Variants in SCN8A observed in about 807,000 individuals in gnomAD.
SCN8A encodes the protein sodium voltage-gated channel alpha subunit 8, also known as sodium channel protein type 8 subunit alpha.
In SCN8A, 30 loss-of-function variants were observed where a neutral mutation model predicts 184.1. The observed-to-expected ratio is 0.16, with a 90% CI of 0.12 to 0.22. The LOEUF is 0.22. Ranked by LOEUF, SCN8A falls within the 10% of genes least tolerant of loss-of-function variation. The pLI, the probability that SCN8A is intolerant of heterozygous loss-of-function variation, is 1.00. For synonymous variants in SCN8A, 852 were observed against 907.0 expected (o/e 0.94, Z 1.09); for missense variants, 1,057 against 2,498.9 (o/e 0.42, Z 12.30).
intron 10 of SCN8A, among the ~76,000 whole-genome samples, chr12:51,706,136 AT>A (rs1300622498): frequency 6.6e-6 from 1 of 152,178 alleles, no homozygotes; most frequent in Non-Finnish European, 1.5e-5. Flanking sequence ...CTTAGCATTC[AT>A]TTCCAGACTT....
rs144787177 is a variant in SCN8A at position 51,796,067 on chromosome 12, T to C, written c.4795+1426T>C. ...TCAAAAATAAAGAATTCTGTTTAAA[T>C]GTAACATAGCATCCCACCTTTATTA... On this transcript the variant is annotated intron_variant, in intron 26 of 26. Transcript: ENST00000627620. 4.5e-5 allele frequency among the ~76,000 whole-genome samples: 6 copies of C among 133,242 alleles called. No individual in the cohort carries two copies. The East Asian group carries it at 1.4e-3, about 31-fold the overall frequency. 87.4% of individuals were successfully genotyped at this position (133,242 alleles called of 152,430 possible).
intron 1 of SCN8A, among the ~76,000 whole-genome samples, chr12:51,622,743 T>C (rs570762189): frequency 1.1e-4 from 16 of 152,304 alleles, no homozygotes; most frequent in South Asian, 1.0e-3. Flanking sequence ...CTGCATTCTT[T>C]GGCAATGGGT....
At chr12:51,718,119 G>A (rs1344131361) in intron 11 of SCN8A, among the ~76,000 whole-genome samples, 1 of 152,140 alleles carries the variant, frequency 6.6e-6, no homozygotes, top group Non-Finnish European at 1.5e-5. Flanking sequence ...AAACGGAATT[G>A]TAGCCAACAA....
chr12:51,624,973 A>G (rs1471125579), intron 1 of SCN8A, among the ~76,000 whole-genome samples: 1 of 151,964 alleles, frequency 6.6e-6, no homozygotes, highest in African/African-American at 2.4e-5. Context: ...ATACATTTAT[A>G]ATATGTTAGG....
chr12:51,726,513 C>T (rs1038414875), intron 12 of SCN8A, among the ~76,000 whole-genome samples: 1 of 152,124 alleles, frequency 6.6e-6, no homozygotes, highest in African/African-American at 2.4e-5. Flanking sequence ...AAGCTTTTAC[C>T]ATTAACCATT....
At chr12:51,727,432 A>T (rs1392095675) in intron 12 of SCN8A, among the ~76,000 whole-genome samples, 8 of 152,180 alleles carry the variant, frequency 5.3e-5, no homozygotes, top group African/African-American at 1.4e-4. Flanking sequence ...AAAACACTGA[A>T]AAGATAGAGA....
chr12:51,705,832 T>C (rs1021285061), intron 10 of SCN8A, among the ~76,000 whole-genome samples: 4 of 152,214 alleles, frequency 2.6e-5, no homozygotes, highest in Non-Finnish European at 5.9e-5. Flanking sequence ...TATCATCTTT[T>C]GTTGAATTGC....
At chr12:51,804,703 T>C (rs1195304224) in intron 26 of SCN8A, among the ~76,000 whole-genome samples, 3 of 152,206 alleles carry the variant, frequency 2.0e-5, no homozygotes, top group African/African-American at 7.2e-5. Context: ...CTTGAACTCC[T>C]AGCCTCAAGT....
At chr12:51,776,482 T>C (rs1257206518) in intron 20 of SCN8A, among the ~76,000 whole-genome samples, 1 of 152,248 alleles carries the variant, frequency 6.6e-6, no homozygotes, top group Non-Finnish European at 1.5e-5. Flanking sequence ...ATTATCTGTG[T>C]AGAATTGCTC....
intron 26 of SCN8A, among the ~76,000 whole-genome samples, chr12:51,805,617 C>G (rs1938677449): frequency 6.6e-6 from 1 of 151,816 alleles, no homozygotes; most frequent in African/African-American, 2.4e-5. Context: ...AAATGCTAGC[C>G]TCTATTAAAT....
intron 2 of SCN8A, among the ~76,000 whole-genome samples, chr12:51,671,388 T>C (rs922502006): frequency 2.6e-5 from 4 of 152,180 alleles, no homozygotes; most frequent in African/African-American, 9.7e-5. Context: ...TGTGATTCCA[T>C]AGTTCTGAGC....
chr12:51,757,664 G>A (rs1942697659), intron 14 of SCN8A, among the ~76,000 whole-genome samples: 2 of 152,198 alleles, frequency 1.3e-5, no homozygotes, highest in Non-Finnish European at 2.9e-5. Flanking sequence ...GCTCATGCCT[G>A]TCATCCCAGC....
chr12:51,645,242 G>C (rs1208963654), intron 1 of SCN8A, among the ~76,000 whole-genome samples: 1 of 150,000 alleles, frequency 6.7e-6, no homozygotes, highest in Non-Finnish European at 1.5e-5. Context: ...CGCCCCATCC[G>C]GGAAGTGAGG....
chr12:51,767,157 C>G (rs1942850832), intron 16 of SCN8A, among the ~76,000 whole-genome samples: 2 of 152,232 alleles, frequency 1.3e-5, no homozygotes, highest in Non-Finnish European at 2.9e-5. Flanking sequence ...CCTAATCCCT[C>G]TAGTCTTCTC....
At chr12:51,700,051 A>C (rs1194389810) in intron 7 of SCN8A, among the ~76,000 whole-genome samples, 2 of 152,130 alleles carry the variant, frequency 1.3e-5, no homozygotes, top group East Asian at 3.9e-4. Context: ...CTGTAATCCC[A>C]GCTACTCGGG....
chr12:51,679,833 C>G (rs955058484), intron 2 of SCN8A, among the ~76,000 whole-genome samples: 11 of 148,960 alleles, frequency 7.4e-5, no homozygotes, highest in African/African-American at 2.8e-4. Context: ...TCAAGCGATT[C>G]TCCTGCCTCA....
rs112882505 is a variant in SCN8A at position 51,771,433 on chromosome 12, C to CAA, written c.3645+760_3645+761dup. Among the ~76,000 whole-genome samples, 505 of 140,436 alleles carry CAA rather than the reference C, an allele frequency of 3.6e-3. 2 individuals carry two copies. The highest frequency in any genetic ancestry group is 0.012 in the African/African-American group (475 of 38,628). The allele number at this position is 140,436 out of a possible 152,430, so 92.1% of individuals were successfully genotyped here. The stretch of plus-strand genomic sequence containing the variant: ...GTGGAATCAAAGCTTAATCTGGAAG[C>CAA]AAAAAAAAAAACATAGCAAGGGAGA... On this transcript the variant is annotated intron_variant, in intron 19 of 26. Transcript: ENST00000627620.
At chr12:51,635,771 T>C (rs1940302768) in intron 1 of SCN8A, among the ~76,000 whole-genome samples, 1 of 152,208 alleles carries the variant, frequency 6.6e-6, no homozygotes. Flanking sequence ...GGTTCCTCCT[T>C]CATTTTATAT....
intron 1 of SCN8A, among the ~76,000 whole-genome samples, chr12:51,642,529 A>G (rs541720512): frequency 6.2e-4 from 94 of 152,346 alleles, no homozygotes; most frequent in African/African-American, 2.0e-3. Context: ...CTTGTTCAGG[A>G]AAGTTCCACT....
Sources: gnomAD v4.1 joint callset for allele counts (sites outside exome capture counted in the v4.1 genomes callset) on GRCh38, gnomAD v4.1.1 for gene constraint, MANE v1.5 for transcripts, NCBI Gene and HGNC (gene_info 2026-07-23, HGNC 2026-07-21) for gene names.